The following TOP2B variants were observed in gnomAD, a reference collection of about 807,000 sequenced individuals.
TOP2B encodes DNA topoisomerase 2-beta.
In TOP2B, 51 loss-of-function variants were observed where a neutral mutation model predicts 193.5. The ratio of observed to expected loss-of-function variants is 0.26; its 90% CI spans 0.21 to 0.33. The LOEUF (loss-of-function observed/expected upper bound fraction) is 0.33. Ranked by LOEUF, TOP2B falls within the 10% of genes least tolerant of loss-of-function variation. TOP2B has a pLI of 1.00. For synonymous variants in TOP2B, 634 were observed against 635.7 expected (o/e 1.00, Z 0.04); for missense variants, 1,378 against 1,909.3 (o/e 0.72, Z 5.19).
In TOP2B at chr3:25,664,346, G is replaced by A. The variant is rs1704022689; in HGVS notation, c.-49C>T. On this transcript the variant is annotated 5_prime_UTR_variant, in exon 1 of 36. Coordinates refer to ENST00000264331, the MANE Select transcript of TOP2B (RefSeq NM_001330700.2). ...CCCTGAGGCCGCAGCCGCCGCTCCC[G>A]CCTCCCTGCGGGCCGCTGGGCCCCG... 3.5e-6 allele frequency: 5 copies of A among 1,419,098 alleles called. No homozygotes were observed. Among genetic ancestry groups the A allele is most frequent in the Middle Eastern group, 2.5e-4 (1 of 3,944 alleles). 87.9% of individuals were successfully genotyped at this position (1,419,098 alleles called of 1,614,324 possible). A position where few individuals can be genotyped will look rare whatever the true frequency, so the allele number is the denominator to read the frequency against.
intron 25 of TOP2B, among the ~76,000 whole-genome samples, chr3:25,617,648 C>G (rs572380421): frequency 6.6e-6 from 1 of 152,112 alleles, no homozygotes; most frequent in African/African-American, 2.4e-5. Flanking sequence ...CATATATGCA[C>G]AAAATAATCT....
chr3:25,625,378 T>C (rs1702768199), intron 18 of TOP2B, among the ~76,000 whole-genome samples: 1 of 152,184 alleles, frequency 6.6e-6, no homozygotes, highest in African/African-American at 2.4e-5. Flanking sequence ...TTTCTTAATA[T>C]AGTTTTCATA....
chr3:25,599,560 G>A lies in TOP2B; in HGVS notation c.4616-31C>T, dbSNP rs757930161. On this transcript the variant is annotated intron_variant, in intron 34 of 35. Transcript: ENST00000264331. ...AATGATACAAAAGGTTTTTTCTTCCGTGGTTAAGTGCAATATAAAAAGATA... is the reference window on the plus strand; with the variant it reads ...AATGATACAAAAGGTTTTTTCTTCCATGGTTAAGTGCAATATAAAAAGATA... 64 of 1,575,752 alleles carry A rather than the reference G, an allele frequency of 4.1e-5. 1 individual carries two copies. In the South Asian group the frequency reaches 4.5e-4, roughly 11 times the overall value.
rs1213377990 is a variant in TOP2B, at chr3:25,612,665, A to G, written c.3636T>C (p.Ser1212=). 6.2e-7 allele frequency: 1 copy of G among 1,613,658 alleles called. No homozygotes were observed. Among genetic ancestry groups the G allele is most frequent in the Non-Finnish European group, 8.5e-7 (1 of 1,179,700 alleles). ...QEREDVLAGM[S]GKAIKGKVGK... ...CAACTTTACCTTTAATTGCTTTTCC[A>G]GACATTCCAGCCAGAACATCTTCTC... The change falls in exon 28 of 36, where the codon TCT becomes TCC. Residue 1212 remains serine, a synonymous_variant. Coordinates refer to ENST00000264331, the MANE Select transcript of TOP2B (RefSeq NM_001330700.2).
chr3:25,644,113 T>A (rs1463915928), intron 2 of TOP2B, among the ~76,000 whole-genome samples: 1 of 152,096 alleles, frequency 6.6e-6, no homozygotes, highest in East Asian at 1.9e-4. Flanking sequence ...TTTTTTTTTT[T>A]TTATAATACA....
At position 25,650,085 on chromosome 3, in the gene TOP2B, A is replaced by C. The variant is rs544506431; in HGVS notation, c.70-4615T>G. Among the ~76,000 whole-genome samples, 9 of 152,306 alleles carry C rather than the reference A, an allele frequency of 5.9e-5. No homozygotes were observed. In the East Asian group the frequency reaches 1.5e-3, roughly 26 times the overall value. On this transcript the variant is annotated intron_variant, in intron 1 of 35. Transcript: ENST00000264331. ...TTAGTAAACAAAAAAAGTCAGAAGG[A>C]GCAAAATCAGGATTATAAGATGGAT...
intron 2 of TOP2B, 146 bp from the exon 3 acceptor site, chr3:25,643,930 C>A: frequency 1.8e-6 from 1 of 545,770 alleles, no homozygotes; most frequent in Non-Finnish European, 3.2e-6. Flanking sequence ...TAATAGTCAA[C>A]TTCACTATTC....
At chr3:25,663,464 CCCTT>C (rs1170449407) in intron 1 of TOP2B, among the ~76,000 whole-genome samples, 14 of 152,170 alleles carry the variant, frequency 9.2e-5, no homozygotes, top group Admixed American at 6.5e-4. Context: ...AATCCAGTCT[CCCTT>C]CCTCCTTCCG....
At chr3:25,600,243 A>G (rs1004889947) in intron 34 of TOP2B, among the ~76,000 whole-genome samples, 5 of 151,838 alleles carry the variant, frequency 3.3e-5, no homozygotes, top group African/African-American at 1.2e-4. Flanking sequence ...CAATGATGCC[A>G]ATGAAATAAA....
intron 7 of TOP2B, among the ~76,000 whole-genome samples, chr3:25,634,778 C>CCAA (rs1703054533): frequency 3.8e-5 from 1 of 26,564 alleles, no homozygotes; most frequent in Non-Finnish European, 8.3e-5. Context: ...TCTCCCTTAC[C>CCAA]AAAAAAAAAA....
At chr3:25,620,849 T>A (rs756123196) in intron 21 of TOP2B, 33 bp from the exon 22 acceptor site, 5 of 1,606,030 alleles carry the variant, frequency 3.1e-6, no homozygotes, top group East Asian at 4.5e-5. Flanking sequence ...CATTGACTTC[T>A]CTCTTGAGTA....
At chr3:25,628,449 C>T (rs960900782) in intron 15 of TOP2B, among the ~76,000 whole-genome samples, 6 of 152,150 alleles carry the variant, frequency 3.9e-5, no homozygotes, top group Non-Finnish European at 8.8e-5. Context: ...GCACTCCAGC[C>T]TGGGTGACAA....
intron 31 of TOP2B, among the ~76,000 whole-genome samples, 177 bp from the exon 32 acceptor site, chr3:25,606,299 TAA>T (rs1702235602): frequency 6.6e-6 from 1 of 152,224 alleles, no homozygotes; most frequent in South Asian, 2.1e-4. Context: ...CTCTTATGTG[TAA>T]AAGTGTGCAC....
intron 15 of TOP2B, among the ~76,000 whole-genome samples, chr3:25,627,566 A>C (rs1453393775): frequency 6.6e-6 from 1 of 152,246 alleles, no homozygotes; most frequent in Non-Finnish European, 1.5e-5. Flanking sequence ...ACAGAAAATA[A>C]GGGCAAAGGA....
At chr3:25,602,396 C>CAAAAA (rs368021384) in intron 33 of TOP2B, among the ~76,000 whole-genome samples, 39 of 41,442 alleles carry the variant, frequency 9.4e-4, no homozygotes, top group African/African-American at 3.5e-3. Flanking sequence ...GACTCTGTCT[C>CAAAAA]AAAAAAAAAA....
intron 30 of TOP2B, among the ~76,000 whole-genome samples, chr3:25,608,761 G>A (rs953954341): frequency 1.2e-4 from 18 of 152,106 alleles, no homozygotes; most frequent in African/African-American, 3.6e-4. Context: ...CAGTTCACCC[G>A]CACAACTATC....
chr3:25,620,507 G>GA (rs1702631698), intron 22 of TOP2B, among the ~76,000 whole-genome samples, 175 bp downstream of exon 22: 1 of 152,112 alleles, frequency 6.6e-6, no homozygotes, highest in Non-Finnish European at 1.5e-5. Context: ...ACGCTACTTA[G>GA]ATATAAATAC....
chr3:25,658,201 C>T (rs945193247), intron 1 of TOP2B, among the ~76,000 whole-genome samples: 1 of 151,722 alleles, frequency 6.6e-6, no homozygotes, highest in African/African-American at 2.4e-5. Flanking sequence ...TGCACCCCAA[C>T]CTGGGCAACA....
intron 1 of TOP2B, among the ~76,000 whole-genome samples, chr3:25,660,991 T>C (rs1703893844): frequency 6.7e-6 from 1 of 149,348 alleles, no homozygotes; most frequent in African/African-American, 2.5e-5. Flanking sequence ...TGGGTGGTCT[T>C]AGGTTGATTT....
Sources: gnomAD v4.1 joint callset for allele counts (sites outside exome capture counted in the v4.1 genomes callset) on GRCh38, gnomAD v4.1.1 for gene constraint, MANE v1.5 for transcripts, NCBI Gene and HGNC (gene_info 2026-07-23, HGNC 2026-07-21) for gene names.